The following MEI4 variants were observed in gnomAD, a reference collection of about 807,000 sequenced individuals.
MEI4 encodes meiosis-specific protein MEI4.
MEI4 carries 27 observed loss-of-function variants against 31.4 expected under a neutral mutation model. That is an observed-to-expected ratio of 0.86 (90% CI 0.63 to 1.19). The LOEUF (loss-of-function observed/expected upper bound fraction) is 1.19, where lower values mean the gene tolerates loss of function less well. MEI4 is among the 50% of genes most tolerant of loss of function. MEI4 has a pLI of 0.00. For synonymous variants in MEI4, 122 were observed against 145.4 expected (o/e 0.84, Z 1.16); for missense variants, 329 against 398.9 (o/e 0.82, Z 1.49).
intron 3 of MEI4, among the ~76,000 whole-genome samples, chr6:77,777,001 G>A (rs1422027303): frequency 6.6e-6 from 1 of 152,162 alleles, no homozygotes; most frequent in Non-Finnish European, 1.5e-5. Context: ...GGTGCTGTAA[G>A]TAGAAATGGA....
rs1361117272 is a variant in MEI4 at position 77,923,118 on chromosome 6, T to G, written c.930T>G (p.Tyr310Ter). The change falls in exon 5 of 5, where the codon TAT becomes TAG. Residue 310 changes from tyrosine to a stop codon, truncating the protein, a stop_gained. Coordinates refer to ENST00000684080, the MANE Select transcript of MEI4 (RefSeq NM_001322247.2). LOFTEE classifies it high-confidence loss of function. ...AAGCCAGTTATGATGTGTCACGCTA[T>G]GAAAACATTTTCTACCTGTTCTGGG... Reference protein sequence around the residue: ...QEQASYDVSRYENIFYLFWVL... With the variant: ...QEQASYDVSR 5 of 1,230,310 alleles carry G rather than the reference T, an allele frequency of 4.1e-6. No homozygotes were observed. Among genetic ancestry groups the G allele is most frequent in the Non-Finnish European group, 5.1e-6 (5 of 986,728 alleles). The allele number at this position is 1,230,310 out of a possible 1,614,324, so 76.2% of individuals were successfully genotyped here. A position where few individuals can be genotyped will look rare whatever the true frequency, so the allele number is the denominator to read the frequency against.
At chr6:77,729,225 A>G (rs1417092423) in intron 2 of MEI4, among the ~76,000 whole-genome samples, 4 of 152,224 alleles carry the variant, frequency 2.6e-5, no homozygotes, top group Non-Finnish European at 5.9e-5. Context: ...GTGTAAACAT[A>G]CATTAACCCA....
At chr6:77,689,929 G>T (rs9361261) in intron 1 of MEI4, among the ~76,000 whole-genome samples, 20,479 of 151,916 alleles carry the variant, frequency 0.13, 1,467 homozygotes, top group Middle Eastern at 0.2. Flanking sequence ...GAGTAGGGAT[G>T]ATATTAAAGC....
At chr6:77,819,511 TA>T (rs1344509397) in intron 3 of MEI4, among the ~76,000 whole-genome samples, 1 of 152,180 alleles carries the variant, frequency 6.6e-6, no homozygotes, top group Non-Finnish European at 1.5e-5. Context: ...ATCCCTAATT[TA>T]CTTTAATCTG....
At chr6:77,712,412 AAAG>A (rs1451449996) in intron 2 of MEI4, among the ~76,000 whole-genome samples, 1 of 152,180 alleles carries the variant, frequency 6.6e-6, no homozygotes, top group Non-Finnish European at 1.5e-5. Context: ...ATATTTAAAG[AAAG>A]TAGTAGACAC....
intron 2 of MEI4, chr6:77,716,798 G>T: frequency 1.3e-6 from 1 of 765,650 alleles, no homozygotes; most frequent in Non-Finnish European, 1.6e-6. Context: ...AACACTGCAT[G>T]TTGTCATGTG....
chr6:77,788,523 T>C (rs1300610204), intron 3 of MEI4, among the ~76,000 whole-genome samples: 1 of 151,988 alleles, frequency 6.6e-6, no homozygotes, highest in Non-Finnish European at 1.5e-5. Context: ...CAGTCCAAAA[T>C]CTCCTTAAGC....
intron 3 of MEI4, among the ~76,000 whole-genome samples, chr6:77,796,691 A>G (rs1769086652): frequency 6.6e-6 from 1 of 152,214 alleles, no homozygotes; most frequent in African/African-American, 2.4e-5. Flanking sequence ...CGTTTGTGAA[A>G]GAAACTGAAA....
chr6:77,912,939 C>A (rs1766463946), intron 4 of MEI4, among the ~76,000 whole-genome samples: 1 of 152,132 alleles, frequency 6.6e-6, no homozygotes, highest in Non-Finnish European at 1.5e-5. Context: ...ATGTTAGCAG[C>A]TGTGGGAGTA....
intron 3 of MEI4, among the ~76,000 whole-genome samples, chr6:77,795,492 A>G (rs1038924102): frequency 6.6e-6 from 1 of 152,152 alleles, no homozygotes; most frequent in African/African-American, 2.4e-5. Flanking sequence ...AAAAGGAAAC[A>G]AAACTAAGAG....
chr6:77,763,899 C>T (rs1321848095), intron 3 of MEI4, among the ~76,000 whole-genome samples: 1 of 152,046 alleles, frequency 6.6e-6, no homozygotes, highest in Non-Finnish European at 1.5e-5. Flanking sequence ...CTGCAACCTC[C>T]ACTTCCTGGG....
chr6:77,910,006 C>T (rs1341543874), intron 4 of MEI4, among the ~76,000 whole-genome samples: 1 of 152,088 alleles, frequency 6.6e-6, no homozygotes, highest in Non-Finnish European at 1.5e-5. Flanking sequence ...CAAAATTCAA[C>T]AACCTTCATG....
At chr6:77,681,585 T>A (rs191031533) in intron 1 of MEI4, among the ~76,000 whole-genome samples, 111 of 152,256 alleles carry the variant, frequency 7.3e-4, no homozygotes, top group African/African-American at 2.4e-3. Context: ...TTATAAAATA[T>A]ATGTGATGCA....
chr6:77,799,121 T>G (rs1475037941), intron 3 of MEI4, among the ~76,000 whole-genome samples: 1 of 152,098 alleles, frequency 6.6e-6, no homozygotes, highest in Admixed American at 6.5e-5. Flanking sequence ...AGTGTCAAAG[T>G]GTTCCTATTT....
At chr6:77,841,314 C>CATATATATATATATATAT (rs1315994932) in intron 4 of MEI4, among the ~76,000 whole-genome samples, 25 of 51,888 alleles carry the variant, frequency 4.8e-4, no homozygotes, top group Middle Eastern at 9.6e-3. Flanking sequence ...CAAATGTGTG[C>CATATATATATATATATAT]ATATATATAT....
intron 1 of MEI4, among the ~76,000 whole-genome samples, chr6:77,659,436 C>A (rs1357896484): frequency 6.6e-6 from 1 of 152,018 alleles, no homozygotes; most frequent in Non-Finnish European, 1.5e-5. Flanking sequence ...TGTCTTGTAC[C>A]CAGATTCCTA....
chr6:77,840,378 G>C (rs1194369645), intron 4 of MEI4, among the ~76,000 whole-genome samples: 1 of 152,102 alleles, frequency 6.6e-6, no homozygotes, highest in East Asian at 1.9e-4. Flanking sequence ...AAAAGGTATA[G>C]CATATATACT....
intron 4 of MEI4, among the ~76,000 whole-genome samples, chr6:77,836,302 T>C (rs1167969096): frequency 6.6e-6 from 1 of 152,142 alleles, no homozygotes; most frequent in East Asian, 1.9e-4. Flanking sequence ...TGAATAATGC[T>C]TTTGGAATAT....
intron 2 of MEI4, among the ~76,000 whole-genome samples, chr6:77,700,204 C>T (rs776937094): frequency 9.8e-5 from 15 of 152,316 alleles, no homozygotes; most frequent in African/African-American, 2.2e-4. Context: ...TGGAGCCTAC[C>T]GGGGCAGGCA....
Sources: gnomAD v4.1 joint callset for allele counts (sites outside exome capture counted in the v4.1 genomes callset) on GRCh38, gnomAD v4.1.1 for gene constraint, MANE v1.5 for transcripts, NCBI Gene and HGNC (gene_info 2026-07-23, HGNC 2026-07-21) for gene names.